DOCK4: variants seen among roughly 807,000 people sequenced by gnomAD.
DOCK4 encodes the protein dedicator of cytokinesis 4.
In DOCK4, 97 loss-of-function variants were observed where a neutral mutation model predicts 268.1. The ratio of observed to expected loss-of-function variants is 0.36; its 90% CI spans 0.31 to 0.43. The LOEUF (loss-of-function observed/expected upper bound fraction) is 0.43, where lower values mean the gene tolerates loss of function less well. Among genes scored for constraint, DOCK4 ranks in the 20% least tolerant of loss-of-function variants. The pLI is 1.00. For missense variants in DOCK4, 2,145 were observed against 2,455.7 expected (o/e 0.87, Z 2.67); for synonymous variants, 954 against 887.2 (o/e 1.08, Z -1.34).
chr7:111,788,653 A>G lies in DOCK4; in HGVS notation c.3401+9T>C. The G allele has an allele frequency of 6.4e-7, 1 of 1,570,040 alleles. No individual in the cohort carries two copies. The highest frequency in any genetic ancestry group is 2.3e-5 in the East Asian group (1 of 43,288). On this transcript the variant is annotated intron_variant, in intron 32 of 52. Coordinates refer to ENST00000428084, the MANE Select transcript of DOCK4 (RefSeq NM_001363540.2). Reference sequence around the variant, plus strand: ...AATGGAATCAACTTGAGATAAACATATTACTCACATACTGTTGAAGAGCTC... The same window carrying G: ...AATGGAATCAACTTGAGATAAACATGTTACTCACATACTGTTGAAGAGCTC...
At chr7:112,134,630 G>A in intron 1 of DOCK4, among the ~76,000 whole-genome samples, 1 of 152,156 alleles carries the variant, frequency 6.6e-6, no homozygotes, top group East Asian at 1.9e-4. Context: ...GCAGGAGAAT[G>A]GCGTGAACCC....
chr7:112,003,332 G>A (rs1015110271), intron 2 of DOCK4, among the ~76,000 whole-genome samples: 5 of 152,140 alleles, frequency 3.3e-5, no homozygotes, highest in African/African-American at 1.2e-4. Context: ...AGGCTGCAGT[G>A]AGCCATGATC....
chr7:111,782,824 T>A (rs1022124019), intron 35 of DOCK4, 40 bp downstream of exon 35: 1 of 1,590,696 alleles, frequency 6.3e-7, no homozygotes, highest in Non-Finnish European at 8.6e-7. Flanking sequence ...AAAATACAAG[T>A]ATTAGGAGAA....
intron 1 of DOCK4, among the ~76,000 whole-genome samples, chr7:112,125,845 G>A (rs1445727417): frequency 6.6e-6 from 1 of 151,986 alleles, no homozygotes; most frequent in Admixed American, 6.6e-5. Flanking sequence ...GGTCTCACTT[G>A]TCACCCAGAC....
At chr7:111,939,810 T>C (rs1304906359) in intron 11 of DOCK4, among the ~76,000 whole-genome samples, 2 of 152,224 alleles carry the variant, frequency 1.3e-5, no homozygotes. Flanking sequence ...ACACATTGAC[T>C]GTCTGAAGGT....
chr7:112,110,455 T>C (rs1256415956), intron 1 of DOCK4, among the ~76,000 whole-genome samples: 8 of 152,134 alleles, frequency 5.3e-5, no homozygotes, highest in African/African-American at 1.9e-4. Flanking sequence ...AAAAACCAAA[T>C]GGGATAGAAT....
At chr7:111,939,441 G>T (rs1795022780) in intron 11 of DOCK4, among the ~76,000 whole-genome samples, 1 of 151,418 alleles carries the variant, frequency 6.6e-6, no homozygotes, top group South Asian at 2.1e-4. Context: ...CGTGAACCCG[G>T]GAGGCGGAGC....
chr7:112,116,527 T>C (rs575764835), intron 1 of DOCK4, among the ~76,000 whole-genome samples: 17 of 152,106 alleles, frequency 1.1e-4, no homozygotes, highest in Non-Finnish European at 2.2e-4. Flanking sequence ...AAAGAACATG[T>C]GTCACAAGTG....
chr7:111,837,573 T>C lies in DOCK4; in HGVS notation c.2737-2887A>G, dbSNP rs1280586269. Among the ~76,000 whole-genome samples, 8 of 152,262 alleles carry C rather than the reference T, an allele frequency of 5.3e-5. No individual in the cohort carries two copies. The South Asian group carries it at 8.3e-4, about 16-fold the overall frequency. On this transcript the variant is annotated intron_variant, in intron 25 of 52. Coordinates refer to ENST00000428084, the MANE Select transcript of DOCK4 (RefSeq NM_001363540.2). The stretch of plus-strand genomic sequence containing the variant: ...TTTACATTCCAAAATATAAGATCAA[T>C]GTACAAAAATAAATTTTACTTCTAC...
chr7:111,758,571 A>G (rs1412887339), intron 41 of DOCK4, 53 bp downstream of exon 41: 1 of 1,589,944 alleles, frequency 6.3e-7, no homozygotes, highest in East Asian at 2.2e-5. Flanking sequence ...CTGTGCCCCA[A>G]GGGGCTCGCA....
intron 6 of DOCK4, among the ~76,000 whole-genome samples, chr7:111,986,684 A>C (rs1302427838): frequency 6.6e-6 from 1 of 152,194 alleles, no homozygotes; most frequent in Non-Finnish European, 1.5e-5. Context: ...AAGTCAAAGA[A>C]CATCGTGTTG....
chr7:111,952,818 CT>C (rs1796155506), intron 8 of DOCK4, among the ~76,000 whole-genome samples: 1 of 152,058 alleles, frequency 6.6e-6, no homozygotes, highest in East Asian at 1.9e-4. Context: ...TTCTATTAAA[CT>C]AATTGGAAAA....
chr7:112,182,614 A>C (rs1211249160), intron 1 of DOCK4, among the ~76,000 whole-genome samples: 2 of 152,268 alleles, frequency 1.3e-5, no homozygotes, highest in African/African-American at 4.8e-5. Context: ...CACAATTAAG[A>C]GATTACAAAG....
chr7:111,983,858 G>GCACACACACACACACACA (rs1300676029), intron 7 of DOCK4, among the ~76,000 whole-genome samples: 33 of 89,942 alleles, frequency 3.7e-4, no homozygotes, highest in Non-Finnish European at 6.2e-4. Flanking sequence ...GCGCGCGCGC[G>GCACACACACACACACACA]CGCGCACACA....
chr7:111,816,188 T>G (rs1801539048), intron 27 of DOCK4, among the ~76,000 whole-genome samples: 1 of 152,124 alleles, frequency 6.6e-6, no homozygotes, highest in Admixed American at 6.6e-5. Flanking sequence ...TTTTAATTAC[T>G]CCAATTTGAT....
At chr7:112,204,147 G>A (rs1426970562) in intron 1 of DOCK4, among the ~76,000 whole-genome samples, 2 of 152,000 alleles carry the variant, frequency 1.3e-5, no homozygotes, top group East Asian at 1.9e-4. Flanking sequence ...GATAATATCC[G>A]GTTTGCCATT....
At chr7:111,890,298 A>G (rs777641607) in intron 16 of DOCK4, among the ~76,000 whole-genome samples, 8 of 152,154 alleles carry the variant, frequency 5.3e-5, no homozygotes, top group Non-Finnish European at 1.2e-4. Flanking sequence ...AAGCTTAGCC[A>G]AATACATTCC....
At chr7:111,869,371 A>G (rs1806234754) in intron 21 of DOCK4, 2 of 525,134 alleles carry the variant, frequency 3.8e-6, no homozygotes, top group African/African-American at 1.9e-5. Context: ...TCAATCCTGA[A>G]CAGTTTCCAG....
chr7:112,097,507 G>A (rs1810262851), intron 1 of DOCK4, among the ~76,000 whole-genome samples: 1 of 152,082 alleles, frequency 6.6e-6, no homozygotes, highest in Non-Finnish European at 1.5e-5. Context: ...AGCCTGAGAG[G>A]TCAAGGCTGT....
Sources: allele counts gnomAD v4.1 joint callset (sites outside exome capture counted in the v4.1 genomes callset), GRCh38; gene constraint gnomAD v4.1.1; transcripts MANE v1.5; gene names NCBI Gene and HGNC (gene_info 2026-07-23, HGNC 2026-07-21).